KCNIP4: variants seen among roughly 807,000 people sequenced by gnomAD.
KCNIP4 encodes Kv channel-interacting protein 4.
A neutral mutation model predicts 34.0 loss-of-function variants in KCNIP4; 12 were observed. The ratio of observed to expected loss-of-function variants is 0.35; its 90% confidence interval spans 0.23 to 0.57. The LOEUF is 0.57. Ranked by LOEUF, KCNIP4 falls within the 20% of genes least tolerant of loss-of-function variation. The pLI is 0.83. For missense variants in KCNIP4, 238 were observed against 311.7 expected (o/e 0.76, Z 1.78); for synonymous variants, 124 against 102.2 (o/e 1.21, Z -1.29).
chr4:21,658,327 C>A lies in KCNIP4; in HGVS notation c.61+290244G>T, dbSNP rs539725993. On this transcript the variant is annotated intron_variant, in intron 1 of 8. Transcript: ENST00000382152. ...TCTAACTTGGAGAAGCCTTCCATTT[C>A]ATCTTAAGTAATGCATCTGTAAACA... Among the ~76,000 whole-genome samples the A allele has an allele frequency of 2.0e-5, 3 of 152,302 alleles. No individual in the cohort carries two copies. In the South Asian group the frequency reaches 6.2e-4, roughly 32 times the overall value.
intron 1 of KCNIP4, among the ~76,000 whole-genome samples, chr4:21,521,534 C>T (rs1462888425): frequency 6.6e-6 from 1 of 152,096 alleles, no homozygotes; most frequent in Non-Finnish European, 1.5e-5. Context: ...ACTTGCCATG[C>T]CACTACTCCC....
In KCNIP4 at chr4:21,390,146, G is replaced by T. The variant is rs58063967; in HGVS notation, c.62-507437C>A. Among the ~76,000 whole-genome samples, 347 of 152,132 alleles carry T rather than the reference G, an allele frequency of 2.3e-3. 1 individual carries two copies. Among genetic ancestry groups the T allele is most frequent in the African/African-American group, 8.2e-3 (339 of 41,494 alleles). On this transcript the variant is annotated intron_variant, in intron 1 of 8. Coordinates refer to ENST00000382152, the MANE Select transcript of KCNIP4 (RefSeq NM_025221.6). Reference sequence around the variant, plus strand: ...TATCCTTTGCCCAATTTTTGATGGGGTTGTTTGTTTTTTTCTTGTAAATTT... The same window carrying T: ...TATCCTTTGCCCAATTTTTGATGGGTTTGTTTGTTTTTTTCTTGTAAATTT...
chr4:21,242,000 A>G (rs1254987634), intron 1 of KCNIP4, among the ~76,000 whole-genome samples: 1 of 151,734 alleles, frequency 6.6e-6, no homozygotes, highest in Non-Finnish European at 1.5e-5. Context: ...TGTCTCTACT[A>G]AAAATACAAA....
chr4:20,795,348 A>C (rs533940205), intron 3 of KCNIP4, among the ~76,000 whole-genome samples: 10 of 152,156 alleles, frequency 6.6e-5, no homozygotes, highest in Non-Finnish European at 1.2e-4. Flanking sequence ...AGTGGCTATA[A>C]ATGTATTAAA....
At chr4:21,942,875 C>T (rs1289943636) in intron 1 of KCNIP4, among the ~76,000 whole-genome samples, 1 of 152,202 alleles carries the variant, frequency 6.6e-6, no homozygotes, top group Admixed American at 6.5e-5. Context: ...CTCCCTGCCT[C>T]AGCCTCCCAA....
intron 1 of KCNIP4, among the ~76,000 whole-genome samples, chr4:21,139,743 G>A (rs928425340): frequency 2.3e-4 from 8 of 34,996 alleles, no homozygotes; most frequent in African/African-American, 5.7e-4. Flanking sequence ...CTTTCTCTCC[G>A]TCCGTCCATA....
intron 1 of KCNIP4, among the ~76,000 whole-genome samples, chr4:21,937,250 T>A (rs1239685442): frequency 6.6e-6 from 1 of 152,038 alleles, no homozygotes; most frequent in African/African-American, 2.4e-5. Flanking sequence ...ATGAACACAT[T>A]ATCTTCCCTC....
chr4:21,186,974 T>C (rs1755278821), intron 1 of KCNIP4, among the ~76,000 whole-genome samples: 1 of 152,132 alleles, frequency 6.6e-6, no homozygotes, highest in African/African-American at 2.4e-5. Flanking sequence ...CTTCACAGGA[T>C]TTAGAAAAAA....
chr4:21,902,176 T>C (rs907789), intron 1 of KCNIP4, among the ~76,000 whole-genome samples: 149,161 of 152,238 alleles, frequency 0.98, 73,151 homozygotes, highest in East Asian at 1. Context: ...GTGATGCCTG[T>C]TTGGGTGGTG....
At chr4:21,700,761 T>C (rs1172098064) in intron 1 of KCNIP4, among the ~76,000 whole-genome samples, 5 of 152,084 alleles carry the variant, frequency 3.3e-5, no homozygotes, top group African/African-American at 7.2e-5. Flanking sequence ...TATTTTGAGT[T>C]AATATTTTTG....
At chr4:21,397,498 T>TCTATGTAA (rs1355562377) in intron 1 of KCNIP4, among the ~76,000 whole-genome samples, 1 of 152,228 alleles carries the variant, frequency 6.6e-6, no homozygotes, top group African/African-American at 2.4e-5. Context: ...CACACATTTA[T>TCTATGTAA]CTATGTAACA....
chr4:21,066,949 C>T (rs943656485), intron 1 of KCNIP4, among the ~76,000 whole-genome samples: 17 of 152,100 alleles, frequency 1.1e-4, no homozygotes, highest in African/African-American at 4.1e-4. Flanking sequence ...CACCAACCCT[C>T]CTCAACCCTA....
chr4:21,194,723 C>A (rs947490878), intron 1 of KCNIP4, among the ~76,000 whole-genome samples: 3 of 152,144 alleles, frequency 2.0e-5, no homozygotes, highest in Admixed American at 2.0e-4. Flanking sequence ...ATTATCAATG[C>A]ACAAACTGGC....
At chr4:20,910,109 G>T (rs1728187204) in intron 1 of KCNIP4, among the ~76,000 whole-genome samples, 1 of 152,128 alleles carries the variant, frequency 6.6e-6, no homozygotes, top group African/African-American at 2.4e-5. Context: ...ATCCAGACCT[G>T]ATGCGTATCT....
chr4:21,538,815 A>G (rs958781959), intron 1 of KCNIP4, among the ~76,000 whole-genome samples: 12 of 152,196 alleles, frequency 7.9e-5, no homozygotes, highest in Admixed American at 7.2e-4. Flanking sequence ...CTGAAAACAT[A>G]AAACTGTTAT....
At chr4:21,147,041 C>T (rs930503494) in intron 1 of KCNIP4, among the ~76,000 whole-genome samples, 2 of 152,142 alleles carry the variant, frequency 1.3e-5, no homozygotes, top group African/African-American at 2.4e-5. Flanking sequence ...ACACTTTGCT[C>T]TCCGTCCTGG....
At chr4:20,995,072 C>T (rs537809819) in intron 1 of KCNIP4, among the ~76,000 whole-genome samples, 1 of 152,166 alleles carries the variant, frequency 6.6e-6, no homozygotes, top group Non-Finnish European at 1.5e-5. Context: ...TATATTTACA[C>T]TTTTCCAGGC....
intron 1 of KCNIP4, among the ~76,000 whole-genome samples, chr4:20,984,887 T>G (rs1311010886): frequency 6.6e-6 from 1 of 151,964 alleles, no homozygotes; most frequent in African/African-American, 2.4e-5. Context: ...ACCACGCTCA[T>G]CAGAGGAGCC....
At chr4:21,574,805 T>C (rs959362200) in intron 1 of KCNIP4, among the ~76,000 whole-genome samples, 7 of 152,196 alleles carry the variant, frequency 4.6e-5, no homozygotes, top group African/African-American at 1.7e-4. Flanking sequence ...TCTCTACTAC[T>C]CTTGTTCTCA....
Sources: allele counts gnomAD v4.1 joint callset (sites outside exome capture counted in the v4.1 genomes callset), GRCh38; gene constraint gnomAD v4.1.1; transcripts MANE v1.5; gene names NCBI Gene and HGNC (gene_info 2026-07-23, HGNC 2026-07-21).